The following PPP3CA variants were observed in gnomAD, a reference collection of about 807,000 sequenced individuals.
PPP3CA encodes protein phosphatase 3 catalytic subunit alpha.
In PPP3CA, 14 loss-of-function variants were observed where a neutral mutation model predicts 66.5. The ratio of observed to expected loss-of-function variants is 0.21; its 90% CI spans 0.14 to 0.33. The LOEUF is 0.33. Among genes scored for constraint, PPP3CA ranks in the 10% least tolerant of loss-of-function variants. The pLI, the probability that PPP3CA is intolerant of heterozygous loss-of-function variation, is 1.00. For synonymous variants in PPP3CA, 232 were observed against 226.2 expected, an observed-to-expected ratio of 1.03 and a Z score of -0.23; for missense variants, 317 against 639.5, an observed-to-expected ratio of 0.50 and a Z score of 5.44.
At chr4:101,330,004 A>T (rs912215235) in intron 1 of PPP3CA, among the ~76,000 whole-genome samples, 17 of 152,138 alleles carry the variant, frequency 1.1e-4, no homozygotes, top group African/African-American at 4.1e-4. Context: ...CTATTTAAGA[A>T]ATATATCTCA....
intron 1 of PPP3CA, among the ~76,000 whole-genome samples, chr4:101,334,726 G>A (rs1391145211): frequency 6.6e-6 from 1 of 152,090 alleles, no homozygotes; most frequent in African/African-American, 2.4e-5. Context: ...CCCCAAATGT[G>A]CCTACCTAAA....
chr4:101,142,573 C>G (rs975347133), intron 2 of PPP3CA, among the ~76,000 whole-genome samples: 5 of 152,250 alleles, frequency 3.3e-5, no homozygotes, highest in African/African-American at 1.2e-4. Flanking sequence ...CCACCCGCCC[C>G]AGCTTTTTTG....
chr4:101,292,081 A>AACAC lies in PPP3CA; in HGVS notation c.58+54654_58+54657dup, dbSNP rs3974776. ...AGTTCGAGGCTGCACTGAGCCCATG[A>AACAC]ACACACACACACACACACACACACA... On this transcript the variant is annotated intron_variant, in intron 1 of 13. Transcript: ENST00000394854. Among the ~76,000 whole-genome samples, 278 of 130,722 alleles carry AACAC rather than the reference A, an allele frequency of 2.1e-3. 1 individual carries two copies. Among genetic ancestry groups the AACAC allele is most frequent in the African/African-American group, 4.1e-3 (141 of 34,726 alleles). 85.8% of individuals were successfully genotyped at this position (130,722 alleles called of 152,430 possible).
chr4:101,200,713 G>A (rs1724941881), intron 1 of PPP3CA, among the ~76,000 whole-genome samples: 1 of 152,038 alleles, frequency 6.6e-6, no homozygotes. Flanking sequence ...GCTAAGGAGT[G>A]CTTACACAAT....
At chr4:101,155,003 G>C (rs1723270691) in intron 2 of PPP3CA, among the ~76,000 whole-genome samples, 1 of 151,932 alleles carries the variant, frequency 6.6e-6, no homozygotes, top group South Asian at 2.1e-4. Context: ...TTTTAGTAGA[G>C]ACGGGGTTTC....
At chr4:101,220,805 G>T (rs1298870245) in intron 1 of PPP3CA, among the ~76,000 whole-genome samples, 2 of 151,664 alleles carry the variant, frequency 1.3e-5, no homozygotes, top group Non-Finnish European at 3.0e-5. Context: ...TGGCAGGTGT[G>T]CCAGTCACAG....
chr4:101,073,493 T>C (rs1014018657), intron 8 of PPP3CA, among the ~76,000 whole-genome samples: 24 of 152,160 alleles, frequency 1.6e-4, no homozygotes, highest in African/African-American at 5.5e-4. Context: ...GCCAGGCTGG[T>C]CTCGAACTTC....
chr4:101,280,588 G>C (rs1727647628), intron 1 of PPP3CA, among the ~76,000 whole-genome samples: 1 of 152,164 alleles, frequency 6.6e-6, no homozygotes, highest in African/African-American at 2.4e-5. Context: ...AGGAGGCCGA[G>C]GCGGGTGGAT....
chr4:101,037,617 T>C (rs1380263747), intron 11 of PPP3CA, among the ~76,000 whole-genome samples: 1 of 152,116 alleles, frequency 6.6e-6, no homozygotes, highest in African/African-American at 2.4e-5. Flanking sequence ...ATTTTATATT[T>C]ATTCACTTTT....
chr4:101,141,338 C>T (rs921395536), intron 2 of PPP3CA, among the ~76,000 whole-genome samples: 2 of 152,116 alleles, frequency 1.3e-5, no homozygotes, highest in African/African-American at 2.4e-5. Context: ...CCACTGCATG[C>T]CAACTTGGGC....
At position 101,334,254 on chromosome 4, in the gene PPP3CA, C is replaced by CA. The variant is rs1729555989; in HGVS notation, c.58+12484_58+12485insT. On this transcript the variant is annotated intron_variant, in intron 1 of 13. Coordinates refer to ENST00000394854, the MANE Select transcript of PPP3CA (RefSeq NM_000944.5). Reference sequence around the variant, plus strand: ...GGTTCAAGCGATTCTCTTGCCTCAGCCTCCCAAGTAGCTGGGATTACAGGC... The same window carrying CA: ...GGTTCAAGCGATTCTCTTGCCTCAGCACTCCCAAGTAGCTGGGATTACAGGC... Among the ~76,000 whole-genome samples the CA allele has an allele frequency of 2.6e-5, 4 of 152,202 alleles. No individual in the cohort carries two copies. The South Asian group carries it at 8.3e-4, about 32-fold the overall frequency.
intron 1 of PPP3CA, among the ~76,000 whole-genome samples, chr4:101,274,431 A>T (rs954718771): frequency 3.3e-5 from 5 of 152,218 alleles, no homozygotes; most frequent in Non-Finnish European, 7.3e-5. Context: ...TGGGCACAAC[A>T]TCCAAAATTA....
chr4:101,226,774 G>A (rs974668779), intron 1 of PPP3CA, among the ~76,000 whole-genome samples: 5 of 151,446 alleles, frequency 3.3e-5, no homozygotes, highest in African/African-American at 9.7e-5. Context: ...GCCTCTCAGA[G>A]TTAAATCTCT....
At chr4:101,210,479 T>C (rs558126402) in intron 1 of PPP3CA, among the ~76,000 whole-genome samples, 12 of 152,298 alleles carry the variant, frequency 7.9e-5, no homozygotes, top group East Asian at 1.9e-4. Context: ...GCTTGGACCA[T>C]TGAAGATTAA....
intron 1 of PPP3CA, among the ~76,000 whole-genome samples, chr4:101,240,378 GTGC>G (rs1177930196): frequency 6.6e-6 from 1 of 152,086 alleles, no homozygotes; most frequent in Non-Finnish European, 1.5e-5. Context: ...TACATGACGA[GTGC>G]CTTTCACTTT....
chr4:101,295,595 A>T (rs966036572), intron 1 of PPP3CA, among the ~76,000 whole-genome samples: 3 of 152,232 alleles, frequency 2.0e-5, no homozygotes, highest in Non-Finnish European at 4.4e-5. Flanking sequence ...TCTAGACAGA[A>T]TGAAACAAAA....
At chr4:101,344,686 T>C (rs1729922954) in intron 1 of PPP3CA, among the ~76,000 whole-genome samples, 1 of 152,212 alleles carries the variant, frequency 6.6e-6, no homozygotes, top group African/African-American at 2.4e-5. Context: ...TTGAGTGGGC[T>C]CTTCCATTTT....
In PPP3CA at chr4:101,346,624, T is replaced by C. The variant is rs1301268640; in HGVS notation, c.58+115A>G. On this transcript the variant is annotated intron_variant, in intron 1 of 13. Coordinates refer to ENST00000394854, the MANE Select transcript of PPP3CA (RefSeq NM_000944.5). Reference sequence around the variant, plus strand: ...CACAATATCCTAGAAGGTCCGCGGCTGGAGCGGACAGAGGAGAACCTGGGG... The same window carrying C: ...CACAATATCCTAGAAGGTCCGCGGCCGGAGCGGACAGAGGAGAACCTGGGG... 461 of 888,050 alleles carry C rather than the reference T, an allele frequency of 5.2e-4. 1 individual carries two copies. Among genetic ancestry groups the C allele is most frequent in the Non-Finnish European group, 4.4e-5 (25 of 574,322 alleles). The allele number at this position is 888,050 out of a possible 1,614,324, so 55.0% of individuals were successfully genotyped here.
At chr4:101,098,838 T>C (rs571586912) in intron 4 of PPP3CA, among the ~76,000 whole-genome samples, 3 of 152,196 alleles carry the variant, frequency 2.0e-5, no homozygotes, top group African/African-American at 7.2e-5. Context: ...GGAAGACCAA[T>C]AGAAAAACAG....
Sources: allele counts gnomAD v4.1 joint callset (sites outside exome capture counted in the v4.1 genomes callset), GRCh38; gene constraint gnomAD v4.1.1; transcripts MANE v1.5; gene names NCBI Gene and HGNC (gene_info 2026-07-23, HGNC 2026-07-21).